The following LPP variants were observed in gnomAD, a reference collection of about 807,000 sequenced individuals.
LPP encodes the protein lipoma-preferred partner.
In LPP, 38 loss-of-function variants were observed where a neutral mutation model predicts 60.4. The observed-to-expected ratio is 0.63, with a 90% confidence interval of 0.49 to 0.83. The LOEUF is 0.83. LPP is among the 40% of genes least tolerant of loss of function. The probability of loss-of-function intolerance (pLI) is 0.00; values close to 1 mark genes in which losing one functional copy is unlikely to be tolerated. For missense variants in LPP, 902 were observed against 783.6 expected (o/e 1.15, Z -1.80); for synonymous variants, 328 against 290.8 (o/e 1.13, Z -1.30).
chr3:188,396,636 T>G (rs1781017314), intron 3 of LPP, among the ~76,000 whole-genome samples: 1 of 152,158 alleles, frequency 6.6e-6, no homozygotes, highest in African/African-American at 2.4e-5. Flanking sequence ...TTTTCCTGGG[T>G]GAGGGGCAAA....
At chr3:188,308,500 T>C (rs1012284594) in intron 2 of LPP, among the ~76,000 whole-genome samples, 2 of 152,162 alleles carry the variant, frequency 1.3e-5, no homozygotes, top group African/African-American at 4.8e-5. Context: ...CATCTGAAAA[T>C]TGATGGATCA....
At chr3:188,256,801 C>T (rs1449823303) in intron 2 of LPP, among the ~76,000 whole-genome samples, 9 of 152,186 alleles carry the variant, frequency 5.9e-5, no homozygotes, top group Admixed American at 5.9e-4. Flanking sequence ...TGGCACTTGG[C>T]CCAAGTGGGT....
intron 4 of LPP, among the ~76,000 whole-genome samples, chr3:188,470,494 G>A (rs1264727052): frequency 2.6e-5 from 4 of 152,096 alleles, no homozygotes; most frequent in Non-Finnish European, 4.4e-5. Flanking sequence ...ACTCTGTGAG[G>A]CATTGGAAGA....
At position 188,877,556 on chromosome 3, in the gene LPP, G is replaced by C. The variant is rs980097937; in HGVS notation, c.*3077G>C. ...GCCAAGAAAATTGCCTTTAAAACTCGAAAATAAGGCCAGGTGTGGTGACTC... is the reference window on the plus strand; with the variant it reads ...GCCAAGAAAATTGCCTTTAAAACTCCAAAATAAGGCCAGGTGTGGTGACTC... On this transcript the variant is annotated 3_prime_UTR_variant, in exon 12 of 12. Coordinates refer to ENST00000617246, the MANE Select transcript of LPP (RefSeq NM_001375462.1). 5 of 186,558 alleles carry C rather than the reference G, an allele frequency of 2.7e-5. No individual in the cohort carries two copies. The highest frequency in any genetic ancestry group is 1.2e-4 in the African/African-American group (5 of 42,698). The allele number at this position is 186,558 out of a possible 1,614,324, so 11.6% of individuals were successfully genotyped here.
At chr3:188,322,705 G>A (rs1462971096) in intron 2 of LPP, among the ~76,000 whole-genome samples, 1 of 152,202 alleles carries the variant, frequency 6.6e-6, no homozygotes, top group Non-Finnish European at 1.5e-5. Flanking sequence ...TGGCCTTGGA[G>A]TCAGACCTGT....
intron 7 of LPP, among the ~76,000 whole-genome samples, chr3:188,620,163 A>C (rs1845549866): frequency 6.6e-6 from 1 of 152,194 alleles, no homozygotes; most frequent in South Asian, 2.1e-4. Context: ...GCCCATTTAA[A>C]TTAAATGGCG....
intron 8 of LPP, among the ~76,000 whole-genome samples, chr3:188,740,903 A>G (rs922556145): frequency 3.9e-5 from 6 of 152,034 alleles, no homozygotes; most frequent in African/African-American, 1.4e-4. Flanking sequence ...TCCTGTGCCT[A>G]TTCTCAGTTT....
At chr3:188,183,681 C>G (rs1560091190) in intron 1 of LPP, among the ~76,000 whole-genome samples, 1 of 148,996 alleles carries the variant, frequency 6.7e-6, no homozygotes, top group Non-Finnish European at 1.5e-5. Context: ...CCAGTGCTCA[C>G]TGTGCCAGGC....
chr3:188,863,955 T>A (rs1251429505), intron 9 of LPP, among the ~76,000 whole-genome samples: 377 of 108,372 alleles, frequency 3.5e-3, no homozygotes, highest in Middle Eastern at 0.013. Flanking sequence ...CAGGGCTGAC[T>A]AAAAAAAAAA....
chr3:188,271,951 C>A (rs952143991), intron 2 of LPP, among the ~76,000 whole-genome samples: 3 of 152,106 alleles, frequency 2.0e-5, no homozygotes, highest in African/African-American at 7.2e-5. Context: ...GAACCAGGGG[C>A]AACACTAAAG....
At chr3:188,635,626 T>C (rs188969994) in intron 7 of LPP, among the ~76,000 whole-genome samples, 1 of 152,206 alleles carries the variant, frequency 6.6e-6, no homozygotes, top group African/African-American at 2.4e-5. Context: ...GCATCTCAGC[T>C]CTCATTCCTA....
intron 9 of LPP, among the ~76,000 whole-genome samples, chr3:188,859,539 G>A (rs1222919401): frequency 6.6e-6 from 1 of 152,192 alleles, no homozygotes; most frequent in East Asian, 1.9e-4. Flanking sequence ...GGGCAAGGAT[G>A]GCATCTTTAT....
chr3:188,455,657 G>A (rs1797572757), intron 4 of LPP, among the ~76,000 whole-genome samples: 1 of 152,178 alleles, frequency 6.6e-6, no homozygotes, highest in African/African-American at 2.4e-5. Flanking sequence ...TACAGAATCA[G>A]AAGGGCAATG....
At chr3:188,658,136 G>GTT (rs370594954) in intron 7 of LPP, among the ~76,000 whole-genome samples, 3 of 151,468 alleles carry the variant, frequency 2.0e-5, no homozygotes, top group Non-Finnish European at 4.4e-5. Context: ...GTTTAGTTTA[G>GTT]GTTAGTTTAG....
intron 9 of LPP, among the ~76,000 whole-genome samples, chr3:188,822,717 C>T (rs971823005): frequency 6.6e-6 from 1 of 152,112 alleles, no homozygotes; most frequent in African/African-American, 2.4e-5. Context: ...ATGCCTGGGA[C>T]ATAGTGGGCA....
In LPP at chr3:188,884,564, A is replaced by T. The variant is rs1353222481; in HGVS notation, c.*10085A>T. 1 of 230,548 alleles carries T rather than the reference A, an allele frequency of 4.3e-6. No individual in the cohort carries two copies. Among genetic ancestry groups the T allele is most frequent in the Non-Finnish European group, 8.6e-6 (1 of 116,410 alleles). The allele number at this position is 230,548 out of a possible 1,614,324, so 14.3% of individuals were successfully genotyped here. ...GAACAAACAATGGGCAGAAGGAAGCACATTGCAATAAATTTCCCCAGAGAG... is the reference window on the plus strand; with the variant it reads ...GAACAAACAATGGGCAGAAGGAAGCTCATTGCAATAAATTTCCCCAGAGAG... On this transcript the variant is annotated 3_prime_UTR_variant, in exon 12 of 12. Coordinates refer to ENST00000617246, the MANE Select transcript of LPP (RefSeq NM_001375462.1).
rs144646132 is a variant in LPP at position 188,345,380 on chromosome 3, G to C, written c.-10+3661G>C. ...TGTGGATTCCCTTGCAGTTCTTCCT[G>C]TAAGAGGTTGTTTGACGCTGACATC... On this transcript the variant is annotated intron_variant, in intron 3 of 11. Coordinates refer to ENST00000617246, the MANE Select transcript of LPP (RefSeq NM_001375462.1). Among the ~76,000 whole-genome samples, 14 of 152,262 alleles carry C rather than the reference G, an allele frequency of 9.2e-5. No individual in the cohort carries two copies. The East Asian group carries it at 2.7e-3, about 29-fold the overall frequency.
Position 188,276,085 on chromosome 3 carries a change from A to G in LPP, c.-67+50558A>G, listed in dbSNP as rs187204832. 2.9e-3 allele frequency among the ~76,000 whole-genome samples: 448 copies of G among 152,352 alleles called. 2 individuals are homozygous for G. Among genetic ancestry groups the G allele is most frequent in the Non-Finnish European group, 4.0e-3 (271 of 68,026 alleles). On this transcript the variant is annotated intron_variant, in intron 2 of 11. Transcript: ENST00000617246. ...CTTTAAAAAATGATTTGGCAAAAGTATGCTTTAAATAAATAAACACAGCAA... is the reference window on the plus strand; with the variant it reads ...CTTTAAAAAATGATTTGGCAAAAGTGTGCTTTAAATAAATAAACACAGCAA...
intron 2 of LPP, among the ~76,000 whole-genome samples, chr3:188,244,608 G>A (rs1726201645): frequency 6.6e-6 from 1 of 152,164 alleles, no homozygotes; most frequent in South Asian, 2.1e-4. Context: ...ACTGTGTGTG[G>A]CACTCTTCTC....
Sources: allele counts gnomAD v4.1 joint callset (sites outside exome capture counted in the v4.1 genomes callset), GRCh38; gene constraint gnomAD v4.1.1; transcripts MANE v1.5; gene names NCBI Gene and HGNC (gene_info 2026-07-23, HGNC 2026-07-21).